CELSR1: variants seen among roughly 807,000 people sequenced by gnomAD.
The protein encoded by CELSR1 is cadherin EGF LAG seven-pass G-type receptor 1.
Under a neutral mutation model 249.1 loss-of-function variants are expected in CELSR1, and 110 were observed. The ratio of observed to expected loss-of-function variants is 0.44; its 90% confidence interval spans 0.38 to 0.52. CELSR1 has a LOEUF of 0.52. CELSR1 is among the 20% of genes least tolerant of loss of function. The pLI, the probability that CELSR1 is intolerant of heterozygous loss-of-function variation, is 0.00. For synonymous variants in CELSR1, 2,113 were observed against 1,900.0 expected (o/e 1.11, Z -2.92); for missense variants, 4,109 against 4,296.4 (o/e 0.96, Z 1.22).
intron 1 of CELSR1, among the ~76,000 whole-genome samples, chr22:46,532,245 A>G (rs1009878564): frequency 6.6e-6 from 1 of 152,244 alleles, no homozygotes; most frequent in Non-Finnish European, 1.5e-5. Context: ...TGCTTTATCT[A>G]TAAGATAAAG....
chr22:46,505,657 T>C (rs2147747647), intron 1 of CELSR1, among the ~76,000 whole-genome samples: 1 of 152,074 alleles, frequency 6.6e-6, no homozygotes, highest in Non-Finnish European at 1.5e-5. Flanking sequence ...AATTAATAAA[T>C]AAAAATAAAA....
intron 1 of CELSR1, among the ~76,000 whole-genome samples, chr22:46,486,530 A>G (rs2080314611): frequency 6.6e-6 from 1 of 151,140 alleles, no homozygotes; most frequent in Non-Finnish European, 1.5e-5. Context: ...CCTGGGCGAC[A>G]GACTGAGACT....
Position 46,409,138 on chromosome 22 carries a change from C to G in CELSR1, c.5084G>C (p.Ser1695Thr), listed in dbSNP as rs1376218750. ...EQAMPHPQLF[S>T]GESVVSWSDL... ...ACTCCAGGACACGACGCTCTCACCG[C>G]TGAAGAGCTGGGGGTGAGGCATGGC... Residue 1695 changes from serine to threonine, a missense_variant, in exon 9 of 35, where the codon AGC (serine) becomes ACC (threonine). This residue lies in a region of CELSR1 where 453 missense variants were observed against 492.0 expected (regional missense o/e 0.92). Transcript: ENST00000674500. This position sits in a 1 kb window ranked among gnomAD's most constrained non-coding sequence, Gnocchi z 9.8. 6.2e-7 allele frequency: 1 copy of G among 1,613,214 alleles called. No individual in the cohort carries two copies. The highest frequency in any genetic ancestry group is 1.3e-5 in the African/African-American group (1 of 74,906).
At chr22:46,502,823 C>G (rs1452878399) in intron 1 of CELSR1, among the ~76,000 whole-genome samples, 1 of 152,122 alleles carries the variant, frequency 6.6e-6, no homozygotes, top group Non-Finnish European at 1.5e-5. Context: ...ATTAAACCAC[C>G]GTGGCCAAAA....
At chr22:46,483,101 G>A (rs912416025) in intron 1 of CELSR1, among the ~76,000 whole-genome samples, 1 of 152,140 alleles carries the variant, frequency 6.6e-6, no homozygotes, top group African/African-American at 2.4e-5. Flanking sequence ...ACTTAAGCAG[G>A]AAAGACAAAG....
intron 25 of CELSR1, chr22:46,370,355 G>A (rs370579133): frequency 2.7e-5 from 9 of 333,500 alleles, no homozygotes; most frequent in Admixed American, 8.1e-5. Context: ...CACACATACC[G>A]TGTGCAGACA....
intron 1 of CELSR1, among the ~76,000 whole-genome samples, chr22:46,509,578 C>T (rs1343467486): frequency 4.2e-5 from 1 of 23,920 alleles, no homozygotes; most frequent in Non-Finnish European, 1.1e-4. Context: ...TAGGTAAAGG[C>T]CAGGTCACTG....
intron 1 of CELSR1, among the ~76,000 whole-genome samples, chr22:46,479,244 C>G (rs2080241922): frequency 6.6e-6 from 1 of 152,012 alleles, no homozygotes; most frequent in African/African-American, 2.4e-5. Flanking sequence ...ACCTGCTGGA[C>G]TCAGGTCTGT....
In CELSR1 at chr22:46,395,606, C is replaced by T. The variant is rs2079139438; in HGVS notation, c.5843+999G>A. Among the ~76,000 whole-genome samples the T allele has an allele frequency of 6.6e-6, 1 of 152,210 alleles. No individual in the cohort carries two copies. Among genetic ancestry groups the T allele is most frequent in the Non-Finnish European group, 1.5e-5 (1 of 68,044 alleles). On this transcript the variant is annotated intron_variant, in intron 13 of 34. Coordinates refer to ENST00000674500, the MANE Select transcript of CELSR1 (RefSeq NM_001378328.1). This position sits in a 1 kb window ranked among gnomAD's most constrained non-coding sequence, Gnocchi z 5.5. ...TGCCATCTTCTCGTGAGGTCACCAG[C>T]TCCAGGGCACAGGCTGCTTCCCACT...
chr22:46,536,189 A>G lies in CELSR1; in HGVS notation c.982T>C (p.Tyr328His). Residue 328 changes from tyrosine to histidine, a missense_variant, in exon 1 of 35, where the codon TAC (tyrosine) becomes CAC (histidine). Physicochemically the swap from Tyr to His is moderately conservative, Grantham distance 83 (BLOSUM62 2). Coordinates refer to ENST00000674500, the MANE Select transcript of CELSR1 (RefSeq NM_001378328.1). ...THVLRVKAVD[Y>H]STPPRSATTY... Reference sequence around the variant, plus strand: ...GTGGCCGAGCGCGGCGGCGTACTGTAGTCCACGGCTTTCACCCTGAGGACG... The same window carrying G: ...GTGGCCGAGCGCGGCGGCGTACTGTGGTCCACGGCTTTCACCCTGAGGACG... 6.2e-7 allele frequency: 1 copy of G among 1,612,880 alleles called. No individual in the cohort carries two copies. The highest frequency in any genetic ancestry group is 8.5e-7 in the Non-Finnish European group (1 of 1,179,998).
In CELSR1 at chr22:46,498,789, T is replaced by C. The variant is rs2080439705; in HGVS notation, c.3545-34444A>G. On this transcript the variant is annotated intron_variant, in intron 1 of 34. Coordinates refer to ENST00000674500, the MANE Select transcript of CELSR1 (RefSeq NM_001378328.1). ...TTCAAATAAAAGATATTAAGACAACTGGGAAAACTAAGCCTCCGCCCCCTA... is the reference window on the plus strand; with the variant it reads ...TTCAAATAAAAGATATTAAGACAACCGGGAAAACTAAGCCTCCGCCCCCTA... 2.0e-5 allele frequency among the ~76,000 whole-genome samples: 3 copies of C among 151,954 alleles called. No individual in the cohort carries two copies. The South Asian group carries it at 6.3e-4, about 32-fold the overall frequency.
intron 1 of CELSR1, among the ~76,000 whole-genome samples, chr22:46,519,590 G>T (rs2080663809): frequency 6.6e-6 from 1 of 152,182 alleles, no homozygotes; most frequent in Non-Finnish European, 1.5e-5. Flanking sequence ...ATGCCCAGCT[G>T]GTCTCCCTTC....
chr22:46,417,428 A>T lies in CELSR1; in HGVS notation c.4612-5669T>A, dbSNP rs376062957. On this transcript the variant is annotated intron_variant, in intron 5 of 34. Coordinates refer to ENST00000674500, the MANE Select transcript of CELSR1 (RefSeq NM_001378328.1). This position sits in a 1 kb window ranked among gnomAD's most constrained non-coding sequence, Gnocchi z 4.1. ...CCTGGTGGTCCCAATACCCCTAGGC[A>T]GGTAACAGGACCCTGTTCCGCCAGG... is the stretch of plus-strand genomic sequence containing the variant. Among the ~76,000 whole-genome samples the T allele has an allele frequency of 6.6e-5, 10 of 152,346 alleles. No individual in the cohort carries two copies. The highest frequency in any genetic ancestry group is 2.2e-4 in the African/African-American group (9 of 41,584).
In CELSR1 at chr22:46,369,692, G is replaced by C; in HGVS notation, c.7872C>G (p.Ile2624Met). 6.2e-7 allele frequency: 1 copy of C among 1,613,064 alleles called. No individual in the cohort carries two copies. The highest frequency in any genetic ancestry group is 8.5e-7 in the Non-Finnish European group (1 of 1,179,648). The part of the protein sequence containing the change: ...SFAGPIGAVI[I>M]INTVTSVLSA... Reference sequence around the variant, plus strand: ...ACTCCCGTGAAGGCCCCACACTCACGATTATAACAGCTCCGATGGGCCCCG... The same window carrying C: ...ACTCCCGTGAAGGCCCCACACTCACCATTATAACAGCTCCGATGGGCCCCG... The change falls in exon 26 of 35, where the codon ATC becomes ATG. Residue 2624 changes from isoleucine to methionine, a missense_variant and splice_region_variant. Around this residue, in one of 7 missense-constraint regions of CELSR1, gnomAD observed 1,805 missense variants for 1,831.6 expected, o/e 0.99. Coordinates refer to ENST00000674500, the MANE Select transcript of CELSR1 (RefSeq NM_001378328.1).
intron 1 of CELSR1, among the ~76,000 whole-genome samples, chr22:46,516,511 A>T (rs1037891186): frequency 2.0e-5 from 3 of 151,098 alleles, no homozygotes; most frequent in African/African-American, 7.3e-5. Context: ...GTTTTTTAAA[A>T]TTTTTTTTTA....
rs773740449 is a variant in CELSR1, at chr22:46,399,692, A to T, written c.5412+25T>A. ...TGGGCCGGAGGAAGGGTCTATCCCCAGAGGAGGTGCAGGTGCCAGCTCACC... is the reference window on the plus strand; with the variant it reads ...TGGGCCGGAGGAAGGGTCTATCCCCTGAGGAGGTGCAGGTGCCAGCTCACC... On this transcript the variant is annotated intron_variant, in intron 10 of 34. Transcript: ENST00000674500. This position sits in a 1 kb window ranked among gnomAD's most constrained non-coding sequence, Gnocchi z 5.0. 1.1e-5 allele frequency: 17 copies of T among 1,611,346 alleles called. No homozygotes were observed. The highest frequency in any genetic ancestry group is 1.4e-5 in the Non-Finnish European group (16 of 1,177,668).
At chr22:46,498,632 G>C (rs1602214329) in intron 1 of CELSR1, among the ~76,000 whole-genome samples, 1 of 150,986 alleles carries the variant, frequency 6.6e-6, no homozygotes, top group East Asian at 2.0e-4. Flanking sequence ...AAAAGAAAAA[G>C]AAAAAACAAC....
Position 46,534,147 on chromosome 22 carries a change from A to C in CELSR1, c.3024T>G (p.Val1008=). Residue 1008 remains valine, a synonymous_variant, in exon 1 of 35, where the codon GTT becomes GTG. Transcript: ENST00000674500. The surrounding 1 kb of genome is among the most constrained non-coding windows in gnomAD (Gnocchi z 9.7). The stretch of plus-strand genomic sequence containing the variant: ...CCGACCCCACTGGGTTGTTCTCCTC[A>C]ACAAACAGCTCCAGTTCGTCCTTCT... ...MFEKDELELF[V]EENNPVGSVV... 6.2e-7 allele frequency: 1 copy of C among 1,613,796 alleles called. No individual in the cohort carries two copies. Among genetic ancestry groups the C allele is most frequent in the Non-Finnish European group, 8.5e-7 (1 of 1,180,016 alleles).
At chr22:46,475,248 A>C (rs1188333629) in intron 1 of CELSR1, among the ~76,000 whole-genome samples, 1 of 152,174 alleles carries the variant, frequency 6.6e-6, no homozygotes, top group African/African-American at 2.4e-5. Context: ...TTATTACTGA[A>C]AAAAACCCAA....
Sources: allele counts gnomAD v4.1 joint callset (sites outside exome capture counted in the v4.1 genomes callset), GRCh38; gene constraint gnomAD v4.1.1; regional missense constraint gnomAD v4.1.1; non-coding constraint Gnocchi (gnomAD v3.1); transcripts MANE v1.5; gene names NCBI Gene and HGNC (gene_info 2026-07-23, HGNC 2026-07-21).